The following CCSER1 variants were observed in gnomAD, a reference collection of about 807,000 sequenced individuals.
CCSER1 encodes the protein coiled-coil serine rich protein 1.
CCSER1 carries 41 observed loss-of-function variants against 82.0 expected under a neutral mutation model. That is an observed-to-expected ratio of 0.50 (90% CI 0.39 to 0.65). The LOEUF (loss-of-function observed/expected upper bound fraction) is 0.65. Ranked by LOEUF, CCSER1 falls within the 30% of genes least tolerant of loss-of-function variation. The pLI is 0.00. For synonymous variants in CCSER1, 414 were observed against 383.9 expected (o/e 1.08, Z -0.92); for missense variants, 1,119 against 1,064.2 (o/e 1.05, Z -0.72).
chr4:91,381,579 T>C lies in CCSER1; in HGVS notation c.2218-216993T>C, dbSNP rs961844364. Among the ~76,000 whole-genome samples, 3 of 152,222 alleles carry C rather than the reference T, an allele frequency of 2.0e-5. No homozygotes were observed. In the East Asian group the frequency reaches 5.8e-4, roughly 29 times the overall value. On this transcript the variant is annotated intron_variant, in intron 10 of 10. Coordinates refer to ENST00000509176, the MANE Select transcript of CCSER1 (RefSeq NM_001145065.2). ...CATTCATCAGGTAGTTCTCGTGCCA[T>C]GGTTTTCAGCTCCATCAGGTCATTT...
intron 5 of CCSER1, among the ~76,000 whole-genome samples, chr4:90,576,343 A>AT (rs1161341916): frequency 1.6e-4 from 25 of 152,114 alleles, no homozygotes; most frequent in Admixed American, 1.5e-3. Context: ...AGAATGACTC[A>AT]TTTTTTAACT....
intron 1 of CCSER1, among the ~76,000 whole-genome samples, chr4:90,177,492 A>G (rs1732925052): frequency 6.6e-6 from 1 of 152,126 alleles, no homozygotes. Context: ...GGGGAATACT[A>G]TTGATGGCGT....
intron 10 of CCSER1, among the ~76,000 whole-genome samples, chr4:91,112,244 A>G (rs1390518332): frequency 6.6e-6 from 1 of 152,088 alleles, no homozygotes; most frequent in Non-Finnish European, 1.5e-5. Context: ...TTGAATAATG[A>G]CGTTTCCTAA....
chr4:91,024,630 T>G (rs898761), intron 9 of CCSER1, among the ~76,000 whole-genome samples: 51,418 of 151,846 alleles, frequency 0.34, 10,521 homozygotes, highest in East Asian at 0.58. Context: ...ATAATCAATC[T>G]TAATCAACAG....
intron 1 of CCSER1, among the ~76,000 whole-genome samples, chr4:90,265,415 A>G (rs899160719): frequency 1.3e-5 from 2 of 151,888 alleles, no homozygotes; most frequent in African/African-American, 4.8e-5. Flanking sequence ...AAATGATCAA[A>G]TTTCACTAGT....
chr4:91,172,464 G>T (rs755186847), intron 10 of CCSER1, among the ~76,000 whole-genome samples: 1 of 152,194 alleles, frequency 6.6e-6, no homozygotes, highest in Non-Finnish European at 1.5e-5. Flanking sequence ...ATGTCTAGAG[G>T]CTAGGTAGGT....
At chr4:90,128,752 G>T (rs1463160333) in intron 1 of CCSER1, among the ~76,000 whole-genome samples, 2 of 152,130 alleles carry the variant, frequency 1.3e-5, no homozygotes, top group Non-Finnish European at 2.9e-5. Flanking sequence ...TCCAGAGTGA[G>T]AAGAAAGGCT....
At chr4:91,083,917 A>T (rs1723084058) in intron 9 of CCSER1, among the ~76,000 whole-genome samples, 1 of 152,138 alleles carries the variant, frequency 6.6e-6, no homozygotes, top group Non-Finnish European at 1.5e-5. Context: ...TGGTAGGAAA[A>T]TTGAGGGTCA....
intron 3 of CCSER1, among the ~76,000 whole-genome samples, chr4:90,357,251 T>C (rs1422119034): frequency 6.6e-6 from 1 of 151,956 alleles, no homozygotes; most frequent in African/African-American, 2.4e-5. Context: ...ATAGCAGGTA[T>C]AGGCCACTTA....
chr4:90,386,107 A>G (rs1480764210), intron 3 of CCSER1, among the ~76,000 whole-genome samples: 2 of 152,206 alleles, frequency 1.3e-5, no homozygotes, highest in Non-Finnish European at 2.9e-5. Context: ...GATTAAATGC[A>G]ATTTCTATCA....
intron 10 of CCSER1, among the ~76,000 whole-genome samples, chr4:91,504,812 T>C (rs1759398512): frequency 6.6e-6 from 1 of 152,192 alleles, no homozygotes; most frequent in African/African-American, 2.4e-5. Flanking sequence ...AAAATAATTA[T>C]GGTGAGAAGG....
At chr4:90,955,784 C>T (rs1175219635) in intron 9 of CCSER1, among the ~76,000 whole-genome samples, 1 of 152,022 alleles carries the variant, frequency 6.6e-6, no homozygotes, top group East Asian at 1.9e-4. Context: ...CTAGCTGTTT[C>T]CTCCCTCTGA....
chr4:90,536,031 GTTTT>G (rs781671347), intron 5 of CCSER1, among the ~76,000 whole-genome samples: 1 of 117,198 alleles, frequency 8.5e-6, no homozygotes, highest in South Asian at 2.8e-4. Flanking sequence ...CTTTCTTTCT[GTTTT>G]TTTTTTTTTT....
At chr4:90,203,720 CT>C (rs1458308693) in intron 1 of CCSER1, among the ~76,000 whole-genome samples, 1 of 152,080 alleles carries the variant, frequency 6.6e-6, no homozygotes, top group African/African-American at 2.4e-5. Flanking sequence ...AATGGGATTG[CT>C]GGGTCAAATG....
At chr4:91,217,344 G>T (rs1737327906) in intron 10 of CCSER1, among the ~76,000 whole-genome samples, 1 of 152,182 alleles carries the variant, frequency 6.6e-6, no homozygotes, top group Non-Finnish European at 1.5e-5. Context: ...GCGCTGATTG[G>T]TGCGTTTACA....
In CCSER1 at chr4:90,525,172, TAAA is replaced by T. The variant is rs1376023620; in HGVS notation, c.1724+56821_1724+56823del. ...AAAAATCAATAGTTTCATATTCAAA[TAAA>T]AACAGTGCTTAAAATCAGTCCATTG... On this transcript the variant is annotated intron_variant, in intron 5 of 10. Coordinates refer to ENST00000509176, the MANE Select transcript of CCSER1 (RefSeq NM_001145065.2). Among the ~76,000 whole-genome samples the T allele has an allele frequency of 3.3e-5, 5 of 152,150 alleles. No homozygotes were observed. The South Asian group carries it at 6.2e-4, about 19-fold the overall frequency.
At position 91,167,984 on chromosome 4, in the gene CCSER1, G is replaced by A. The variant is rs193141671; in HGVS notation, c.2217+81990G>A. Among the ~76,000 whole-genome samples, 735 of 146,132 alleles carry A rather than the reference G, an allele frequency of 5.0e-3. 4 individuals carry two copies. Among genetic ancestry groups the A allele is most frequent in the African/African-American group, 0.017 (669 of 39,338 alleles). On this transcript the variant is annotated intron_variant, in intron 10 of 10. Transcript: ENST00000509176. Reference sequence around the variant, plus strand: ...TGGGAAGTGGGGAGCGCCTCTGCCCGGCTGCCCCATTTGGGAAGTGGGGAG... The same window carrying A: ...TGGGAAGTGGGGAGCGCCTCTGCCCAGCTGCCCCATTTGGGAAGTGGGGAG...
intron 10 of CCSER1, among the ~76,000 whole-genome samples, chr4:91,171,968 C>T (rs1201649846): frequency 6.6e-6 from 1 of 151,736 alleles, no homozygotes; most frequent in East Asian, 1.9e-4. Context: ...GTTCATTTTT[C>T]CCCAAAGATA....
At chr4:90,608,463 T>C (rs1380439350) in intron 5 of CCSER1, among the ~76,000 whole-genome samples, 1 of 152,254 alleles carries the variant, frequency 6.6e-6, no homozygotes, top group East Asian at 1.9e-4. Flanking sequence ...CAACCAATTA[T>C]CAAGCTAAGC....
Sources: gnomAD v4.1 joint callset for allele counts (sites outside exome capture counted in the v4.1 genomes callset) on GRCh38, gnomAD v4.1.1 for gene constraint, MANE v1.5 for transcripts, NCBI Gene and HGNC (gene_info 2026-07-23, HGNC 2026-07-21) for gene names.